TEX14: variants seen among roughly 807,000 people sequenced by gnomAD.
TEX14 encodes the protein inactive serine/threonine-protein kinase TEX14.
A neutral mutation model predicts 178.6 loss-of-function variants in TEX14; 168 were observed. The observed-to-expected ratio is 0.94, with a 90% CI of 0.83 to 1.07. The LOEUF is 1.07. Ranked by LOEUF, TEX14 falls within the 50% of genes least tolerant of loss-of-function variation. The pLI, the probability that TEX14 is intolerant of heterozygous loss-of-function variation, is 0.00. For missense variants in TEX14, 1,730 were observed against 1,753.6 expected (o/e 0.99, Z 0.24); for synonymous variants, 626 against 634.1 (o/e 0.99, Z 0.19).
chr17:58,558,966 T>A (rs1031308281), intron 30 of TEX14, among the ~76,000 whole-genome samples: 2 of 151,986 alleles, frequency 1.3e-5, no homozygotes, highest in Admixed American at 6.6e-5. Flanking sequence ...GGTCAAGAGA[T>A]CGAGACCATC....
intron 1 of TEX14, among the ~76,000 whole-genome samples, chr17:58,653,040 G>A (rs961629182): frequency 2.0e-5 from 3 of 152,098 alleles, no homozygotes; most frequent in Non-Finnish European, 2.9e-5. Context: ...GGGTTCAAGC[G>A]ATCCTCCTGC....
chr17:58,599,501 G>A lies in TEX14; in HGVS notation c.1844C>T (p.Pro615Leu), dbSNP rs1412626551. 6.2e-7 allele frequency: 1 copy of A among 1,613,780 alleles called. No individual in the cohort carries two copies. The highest frequency in any genetic ancestry group is 1.1e-5 in the South Asian group (1 of 91,082). ...GTTGATTTCGAAACTGCAGAGGCTT[G>A]GCTGACCTGTGCTGGGGCTGCTGGC... is the stretch of plus-strand genomic sequence containing the variant. ...EEASSPSTGQ[P>L]SLCSFEINEI... is the part of the protein sequence containing the mutation. Residue 615 changes from proline to leucine, a missense_variant, in exon 14 of 32, where the codon CCA (proline) becomes CTA (leucine). Transcript: ENST00000349033.
intron 1 of TEX14, among the ~76,000 whole-genome samples, chr17:58,676,564 CA>C (rs1030328024): frequency 2.6e-5 from 4 of 151,866 alleles, no homozygotes; most frequent in Non-Finnish European, 5.9e-5. Flanking sequence ...CCATCTCAAA[CA>C]AAAGAAAACA....
chr17:58,656,027 G>A (rs777540929), intron 1 of TEX14, among the ~76,000 whole-genome samples: 55 of 152,280 alleles, frequency 3.6e-4, no homozygotes, highest in Non-Finnish European at 6.3e-4. Flanking sequence ...TTGGTTGGGC[G>A]CGATGGCTCA....
At chr17:58,577,481 A>T in intron 20 of TEX14, 25 bp from the exon 21 acceptor site, 1 of 918,646 alleles carries the variant, frequency 1.1e-6, no homozygotes, top group Non-Finnish European at 1.5e-6. Context: ...TTAAAAATAT[A>T]TATATATATT....
In TEX14 at chr17:58,599,607, G is replaced by A. The variant is rs1387656082; in HGVS notation, c.1738C>T (p.Gln580Ter). 2 of 1,613,854 alleles carry A rather than the reference G, an allele frequency of 1.2e-6. No homozygotes were observed. The highest frequency in any genetic ancestry group is 1.3e-5 in the African/African-American group (1 of 74,868). ...SLFTEGTLDP[Q>*]APDPCLMARE... ...GCCATCAGACATGGATCTGGGGCCT[G>A]AGGATCTAGTGTCCCCTCAGTGAAT... The change falls in exon 14 of 32, where the codon CAG becomes TAG. Residue 580 changes from glutamine (Q) to a stop codon, truncating the protein, a stop_gained. Coordinates refer to ENST00000349033, the MANE Select transcript of TEX14 (RefSeq NM_031272.5). LOFTEE classifies it high-confidence loss of function.
rs771810150 is a variant in TEX14 at position 58,617,548 on chromosome 17, C to A, written c.626G>T (p.Gly209Val). 8 of 1,613,622 alleles carry A rather than the reference C, an allele frequency of 5.0e-6. No homozygotes were observed. The highest frequency in any genetic ancestry group is 5.9e-6 in the Non-Finnish European group (7 of 1,179,716). The change falls in exon 6 of 32, where the codon GGT becomes GTT. Residue 209 changes from glycine (G) to valine (V), a missense_variant. Physicochemically the swap from Gly to Val is moderately radical, Grantham distance 109. Transcript: ENST00000349033. The part of the protein sequence containing the change: ...VISAQNIYSF[G>V]FGKFYLTGAT... ...GTGGCAACCTCTTACCTTCCCAAAA[C>A]CAAAGCTGTAGATATTTTGAGCAGA...
intron 2 of TEX14, among the ~76,000 whole-genome samples, chr17:58,647,787 G>A (rs890815772): frequency 4.6e-5 from 7 of 151,748 alleles, no homozygotes; most frequent in African/African-American, 9.7e-5. Flanking sequence ...TTCCACCTCC[G>A]AAGTTCAAGC....
chr17:58,570,794 T>A (rs1045684094), intron 24 of TEX14, among the ~76,000 whole-genome samples: 4 of 151,872 alleles, frequency 2.6e-5, no homozygotes, highest in Admixed American at 2.0e-4. Context: ...CCCAGCCAAA[T>A]TTTTTTCTGT....
chr17:58,663,058 G>A (rs865970366), intron 1 of TEX14, among the ~76,000 whole-genome samples: 2 of 150,748 alleles, frequency 1.3e-5, no homozygotes, highest in African/African-American at 2.4e-5. Flanking sequence ...GCAGTGAGCC[G>A]AGATGGCACC....
chr17:58,603,412 G>A (rs1180001195), intron 11 of TEX14, among the ~76,000 whole-genome samples: 1 of 151,790 alleles, frequency 6.6e-6, no homozygotes, highest in East Asian at 1.9e-4. Context: ...AAATTAGCTG[G>A]GTGTGGTGGC....
intron 1 of TEX14, among the ~76,000 whole-genome samples, chr17:58,686,507 G>A (rs2143599309): frequency 6.6e-6 from 1 of 152,242 alleles, no homozygotes; most frequent in Admixed American, 6.6e-5. Flanking sequence ...ACGGCAGAGG[G>A]TCAGGGCTAG....
At chr17:58,581,659 G>A (rs780956118) in intron 19 of TEX14, 25 of 1,613,582 alleles carry the variant, frequency 1.5e-5, no homozygotes, top group Middle Eastern at 1.6e-4. Context: ...AATATTCACC[G>A]TCTGGAGTTA....
At chr17:58,629,337 C>T (rs1393120026) in intron 3 of TEX14, among the ~76,000 whole-genome samples, 1 of 151,870 alleles carries the variant, frequency 6.6e-6, no homozygotes, top group Non-Finnish European at 1.5e-5. Flanking sequence ...ACTTGTAATC[C>T]CAGCTACTAG....
rs750786486 is a variant in TEX14, at chr17:58,587,557, T to G, written c.2788+24A>C. 6 of 1,384,868 alleles carry G rather than the reference T, an allele frequency of 4.3e-6. No homozygotes were observed. In the East Asian group the frequency reaches 1.4e-4, roughly 32 times the overall value. The allele number at this position is 1,384,868 out of a possible 1,614,324, so 85.8% of individuals were successfully genotyped here. A position where few individuals can be genotyped will look rare whatever the true frequency, so the allele number is the denominator to read the frequency against. Reference sequence around the variant, plus strand: ...ATACTTTAAATTTCATTTTGTCTAATAAAACCCATGACTTTATACTCACTT... The same window carrying G: ...ATACTTTAAATTTCATTTTGTCTAAGAAAACCCATGACTTTATACTCACTT... On this transcript the variant is annotated intron_variant, in intron 17 of 31. Coordinates refer to ENST00000349033, the MANE Select transcript of TEX14 (RefSeq NM_031272.5).
At chr17:58,637,193 C>T (rs1008523234) in intron 2 of TEX14, among the ~76,000 whole-genome samples, 1 of 152,142 alleles carries the variant, frequency 6.6e-6, no homozygotes, top group Non-Finnish European at 1.5e-5. Flanking sequence ...TGCACTCCAG[C>T]CTGGGTGACA....
chr17:58,563,656 TATAGAGAGAG>T (rs1436627043), intron 28 of TEX14, among the ~76,000 whole-genome samples: 24 of 18,736 alleles, frequency 1.3e-3, no homozygotes, highest in South Asian at 2.4e-3. Flanking sequence ...TATATATATA[TATAGAGAGAG>T]AGAGAGAGAG....
At chr17:58,565,874 C>T in intron 26 of TEX14, 50 bp from the exon 27 acceptor site, 2 of 1,438,198 alleles carry the variant, frequency 1.4e-6, no homozygotes, top group Non-Finnish European at 1.9e-6. Context: ...CTTGCGTGTC[C>T]TGCCGTTCTC....
At position 58,585,909 on chromosome 17, in the gene TEX14, G is replaced by A. The variant is rs369292272; in HGVS notation, c.2962C>T (p.His988Tyr). The change falls in exon 18 of 32, where the codon CAT (histidine) becomes TAT (tyrosine). Residue 988 changes from histidine to tyrosine, a missense_variant. Physicochemically the swap from His to Tyr is moderately conservative, Grantham distance 83 (BLOSUM62 2). Transcript: ENST00000349033. ...CCTCTGGGCTCATCATTTTCCCTAT[G>A]ATACTCAATAACTCGCTGCCAATCC... Reference protein sequence around the residue: ...NTDWQRVIEYHRENDEPRGNG... With the variant: ...NTDWQRVIEYYRENDEPRGNG... 6.2e-7 allele frequency: 1 copy of A among 1,613,942 alleles called. No homozygotes were observed. The highest frequency in any genetic ancestry group is 8.5e-7 in the Non-Finnish European group (1 of 1,179,994).
Sources: gnomAD v4.1 joint callset for allele counts (sites outside exome capture counted in the v4.1 genomes callset) on GRCh38, gnomAD v4.1.1 for gene constraint, MANE v1.5 for transcripts, NCBI Gene and HGNC (gene_info 2026-07-23, HGNC 2026-07-21) for gene names.